TPCN1: variants seen among roughly 807,000 people sequenced by gnomAD.
The protein encoded by TPCN1 is two pore channel protein 1.
A neutral mutation model predicts 108.8 loss-of-function variants in TPCN1; 52 were observed. The ratio of observed to expected loss-of-function variants is 0.48; its 90% confidence interval spans 0.38 to 0.60. The LOEUF (loss-of-function observed/expected upper bound fraction) is 0.60, where lower values mean the gene tolerates loss of function less well. Among genes scored for constraint, TPCN1 ranks in the 20% least tolerant of loss-of-function variants. The probability of loss-of-function intolerance (pLI) is 0.00; values close to 1 mark genes in which losing one functional copy is unlikely to be tolerated. For synonymous variants in TPCN1, 446 were observed against 433.7 expected, an observed-to-expected ratio of 1.03 and a Z score of -0.35; for missense variants, 806 against 1,072.8, an observed-to-expected ratio of 0.75 and a Z score of 3.47.
At chr12:113,245,858 T>G in intron 2 of TPCN1, 1 of 428,852 alleles carries the variant, frequency 2.3e-6, no homozygotes, top group South Asian at 1.7e-5. Flanking sequence ...TCCTCCCCAG[T>G]GCATCTTTAT....
intron 24 of TPCN1, 64 bp from the exon 25 acceptor site, chr12:113,291,810 C>T: frequency 6.4e-7 from 1 of 1,567,536 alleles, no homozygotes; most frequent in Non-Finnish European, 8.8e-7. Context: ...GTGGGCTGCG[C>T]AGCCACGGAC....
rs371330160 is a variant in TPCN1, at chr12:113,260,499, A to G, written c.237+7A>G. 2.0e-5 allele frequency: 32 copies of G among 1,569,716 alleles called. No individual in the cohort carries two copies. The highest frequency in any genetic ancestry group is 2.8e-5 in the African/African-American group (2 of 71,590). ...GGCAGCAATCTACCTCCAGGTGAGT[A>G]TCTCCAGTCAGGCCCTGGCAGTTGT... is the stretch of plus-strand genomic sequence containing the variant. On this transcript the variant is annotated splice_region_variant and intron_variant, in intron 3 of 27. Coordinates refer to ENST00000335509, the MANE Select transcript of TPCN1 (RefSeq NM_017901.6).
Position 113,266,163 on chromosome 12 carries a change from T to C in TPCN1, c.238-17T>C, listed in dbSNP as rs139636358. The C allele has an allele frequency of 1.5e-4, 237 of 1,613,530 alleles. No individual in the cohort carries two copies. The African/African-American group carries it at 2.6e-3, about 18-fold the overall frequency. On this transcript the variant is annotated splice_polypyrimidine_tract_variant and intron_variant, in intron 3 of 27. Transcript: ENST00000335509. This position sits in a 1 kb window ranked among gnomAD's most constrained non-coding sequence, Gnocchi z 4.2. ...GGTCTCCAGGCTTACATGCCCACAC[T>C]ACTCTCATCTTTTCAGGAAGGCGAG... is the stretch of plus-strand genomic sequence containing the variant.
At chr12:113,292,139 AT>A (rs2136770378) in intron 25 of TPCN1, 181 bp downstream of exon 25, 1 of 599,728 alleles carries the variant, frequency 1.7e-6, no homozygotes, top group East Asian at 2.8e-5. Context: ...CAAATATTTA[AT>A]GTCAGAAAAC....
At chr12:113,239,537 T>C (rs1355959615) in intron 2 of TPCN1, among the ~76,000 whole-genome samples, 1 of 152,104 alleles carries the variant, frequency 6.6e-6, no homozygotes, top group Non-Finnish European at 1.5e-5. Context: ...TATCTGGGAG[T>C]GAGTCACCGG....
At chr12:113,295,348 C>T (rs77744585) in intron 27 of TPCN1, among the ~76,000 whole-genome samples, 7,459 of 147,130 alleles carry the variant, frequency 0.051, 260 homozygotes, top group Middle Eastern at 0.071. Flanking sequence ...GAGGCTGAGG[C>T]GGGAGGATCA....
intron 1 of TPCN1, among the ~76,000 whole-genome samples, chr12:113,226,456 A>G (rs112280465): frequency 0.049 from 7,501 of 151,824 alleles, 265 homozygotes; most frequent in Middle Eastern, 0.068. Flanking sequence ...AATTTTCTGT[A>G]TTTTTAGTAG....
At position 113,267,833 on chromosome 12, in the gene TPCN1, C is replaced by G. The variant is rs778084530; in HGVS notation, c.415-10C>G. 2 of 1,606,018 alleles carry G rather than the reference C, an allele frequency of 1.2e-6. No homozygotes were observed. Among genetic ancestry groups the G allele is most frequent in the South Asian group, 1.1e-5 (1 of 90,936 alleles). On this transcript the variant is annotated splice_polypyrimidine_tract_variant and intron_variant, in intron 4 of 27. Transcript: ENST00000335509. Reference sequence around the variant, plus strand: ...TGGCCATGACACATCTCCACACCCTCTGGTCTCAGGTCCACGCCACCCTGG... The same window carrying G: ...TGGCCATGACACATCTCCACACCCTGTGGTCTCAGGTCCACGCCACCCTGG...
chr12:113,258,445 GAC>G (rs1746766826), intron 2 of TPCN1, among the ~76,000 whole-genome samples: 1 of 152,044 alleles, frequency 6.6e-6, no homozygotes, highest in African/African-American at 2.4e-5. Context: ...CAGCCTGGGT[GAC>G]AGAGTGAGAC....
Position 113,290,261 on chromosome 12 carries a change from C to T in TPCN1, c.1912+18C>T. 2.0e-6 allele frequency: 3 copies of T among 1,524,188 alleles called. No homozygotes were observed. The highest frequency in any genetic ancestry group is 2.7e-6 in the Non-Finnish European group (3 of 1,113,100). The allele number at this position is 1,524,188 out of a possible 1,614,324, so 94.4% of individuals were successfully genotyped here. On this transcript the variant is annotated intron_variant, in intron 22 of 27. Coordinates refer to ENST00000335509, the MANE Select transcript of TPCN1 (RefSeq NM_017901.6). ...CAGCTTTGGTGAGTGGGAAAAATCA[C>T]AGGGGGCACATTCCCTGGGGACCCC...
rs1258350313 is a variant in TPCN1 at position 113,273,094 on chromosome 12, C to T, written c.784-138C>T. 1.3e-6 allele frequency: 1 copy of T among 778,142 alleles called. No individual in the cohort carries two copies. The highest frequency in any genetic ancestry group is 2.3e-6 in the Non-Finnish European group (1 of 438,482). The allele number at this position is 778,142 out of a possible 1,614,324, so 48.2% of individuals were successfully genotyped here. A position where few individuals can be genotyped will look rare whatever the true frequency, so the allele number is the denominator to read the frequency against. On this transcript the variant is annotated intron_variant, in intron 8 of 27. Coordinates refer to ENST00000335509, the MANE Select transcript of TPCN1 (RefSeq NM_017901.6). This position sits in a 1 kb window ranked among gnomAD's most constrained non-coding sequence, Gnocchi z 4.0. Reference sequence around the variant, plus strand: ...CTCTGGACTGCATGTTTGCTCTTTCCTCTGCCTCCCTCAGGGATTCCTTGA... The same window carrying T: ...CTCTGGACTGCATGTTTGCTCTTTCTTCTGCCTCCCTCAGGGATTCCTTGA...
intron 3 of TPCN1, among the ~76,000 whole-genome samples, chr12:113,263,862 G>C (rs1035773064): frequency 2.6e-5 from 4 of 152,144 alleles, no homozygotes; most frequent in African/African-American, 9.7e-5. Flanking sequence ...TTTATGATCA[G>C]CCAGGAAACA....
At chr12:113,224,664 G>A (rs893545366) in intron 1 of TPCN1, among the ~76,000 whole-genome samples, 40 of 152,262 alleles carry the variant, frequency 2.6e-4, no homozygotes, top group South Asian at 6.2e-4. Flanking sequence ...CCAAAGTGCT[G>A]GGATTACAGG....
rs550613204 is a variant in TPCN1, at chr12:113,240,052, C to T, written c.112+13088C>T. On this transcript the variant is annotated intron_variant, in intron 2 of 27. Transcript: ENST00000335509. ...CGAGGGGCCTCTCTTCTTGCGGGCT[C>T]GGCTGTTCACACTTGGCTGGCCTGC... 3.1e-4 allele frequency among the ~76,000 whole-genome samples: 47 copies of T among 152,190 alleles called. 1 individual carries two copies. Among genetic ancestry groups the T allele is most frequent in the African/African-American group, 1.1e-3 (44 of 41,540 alleles).
chr12:113,290,017 A>T (rs911928451), intron 21 of TPCN1, 111 bp from the exon 22 acceptor site: 1 of 684,506 alleles, frequency 1.5e-6, no homozygotes, highest in Non-Finnish European at 2.5e-6. Flanking sequence ...GGCTGCGGGC[A>T]GAACAGAAGG....
intron 2 of TPCN1, among the ~76,000 whole-genome samples, chr12:113,252,884 T>C (rs1266773970): frequency 6.6e-6 from 1 of 152,170 alleles, no homozygotes; most frequent in Admixed American, 6.5e-5. Context: ...ACTCTGTTGC[T>C]ATTGGGAAGA....
intron 2 of TPCN1, among the ~76,000 whole-genome samples, chr12:113,242,593 G>A (rs1262202304): frequency 2.6e-5 from 4 of 152,220 alleles, no homozygotes; most frequent in African/African-American, 7.2e-5. Flanking sequence ...TACTGAATGC[G>A]AATCGTGGCT....
At chr12:113,246,855 C>G (rs1438728237) in intron 2 of TPCN1, among the ~76,000 whole-genome samples, 1 of 152,190 alleles carries the variant, frequency 6.6e-6, no homozygotes, top group Non-Finnish European at 1.5e-5. Flanking sequence ...AGGGCCAGCC[C>G]CGGCACACAG....
rs1428583484 is a variant in TPCN1, at chr12:113,275,591, G to T, written c.943-1328G>T. 1.9e-4 allele frequency among the ~76,000 whole-genome samples: 26 copies of T among 138,192 alleles called. No homozygotes were observed. In the South Asian group the frequency reaches 4.7e-3, roughly 25 times the overall value. The allele number at this position is 138,192 out of a possible 152,430, so 90.7% of individuals were successfully genotyped here. The stretch of plus-strand genomic sequence containing the variant: ...GAAAATATTTCCTTTTTTTTTTTTT[G>T]AGACAGAGACTTGCTCTGTTGCCCA... On this transcript the variant is annotated intron_variant, in intron 10 of 27. Coordinates refer to ENST00000335509, the MANE Select transcript of TPCN1 (RefSeq NM_017901.6).
Sources: gnomAD v4.1 joint callset for allele counts (sites outside exome capture counted in the v4.1 genomes callset) on GRCh38, gnomAD v4.1.1 for gene constraint, Gnocchi (gnomAD v3.1) non-coding constraint, MANE v1.5 for transcripts, NCBI Gene and HGNC (gene_info 2026-07-23, HGNC 2026-07-21) for gene names.